The following PRORP variants were observed in gnomAD, a reference collection of about 807,000 sequenced individuals.
The protein encoded by PRORP is mitochondrial ribonuclease P catalytic subunit.
A neutral mutation model predicts 59.4 loss-of-function variants in PRORP; 51 were observed. The ratio of observed to expected loss-of-function variants is 0.86; its 90% confidence interval spans 0.69 to 1.08. The LOEUF (loss-of-function observed/expected upper bound fraction) is 1.08, where lower values mean the gene tolerates loss of function less well. PRORP is among the 50% of genes least tolerant of loss of function. The pLI is 0.00. For synonymous variants in PRORP, 231 were observed against 245.6 expected (o/e 0.94, Z 0.55); for missense variants, 646 against 690.3 (o/e 0.94, Z 0.72).
At chr14:35,238,733 G>A (rs4981278) in intron 5 of PRORP, among the ~76,000 whole-genome samples, 89,431 of 151,952 alleles carry the variant, frequency 0.59, 27,770 homozygotes, top group East Asian at 0.75. Flanking sequence ...AAGTTAACAC[G>A]TCTTTTTTTC....
intron 5 of PRORP, among the ~76,000 whole-genome samples, chr14:35,196,559 G>C (rs531202519): frequency 6.6e-6 from 1 of 152,258 alleles, no homozygotes; most frequent in Admixed American, 6.5e-5. Context: ...TTAGTTTTAA[G>C]GAGTTACTGC....
At chr14:35,234,014 G>A (rs967813268) in intron 5 of PRORP, among the ~76,000 whole-genome samples, 6 of 152,124 alleles carry the variant, frequency 3.9e-5, no homozygotes, top group Admixed American at 3.3e-4. Flanking sequence ...ATCAAAATAT[G>A]GATCTGAAAA....
chr14:35,233,745 A>G (rs2050139263), intron 5 of PRORP, among the ~76,000 whole-genome samples: 2 of 151,590 alleles, frequency 1.3e-5, no homozygotes, highest in Admixed American at 6.6e-5. Flanking sequence ...CTATGTTCAC[A>G]TTTCTTTTCC....
At chr14:35,255,914 TG>T (rs1216800596) in intron 5 of PRORP, among the ~76,000 whole-genome samples, 1 of 152,176 alleles carries the variant, frequency 6.6e-6, no homozygotes, top group African/African-American at 2.4e-5. Flanking sequence ...AAAAAACAAT[TG>T]TGACTCAGAA....
intron 4 of PRORP, among the ~76,000 whole-genome samples, chr14:35,167,582 C>T (rs2048215289): frequency 6.6e-6 from 1 of 152,160 alleles, no homozygotes; most frequent in Non-Finnish European, 1.5e-5. Flanking sequence ...GCTTCATTTT[C>T]CCCTAGCTAC....
rs1057380652 is a variant in PRORP, at chr14:35,128,431, G to C, written c.1167+820G>C. Among the ~76,000 whole-genome samples the C allele has an allele frequency of 1.2e-4, 18 of 152,090 alleles. 1 individual carries two copies. Among genetic ancestry groups the C allele is most frequent in the Middle Eastern group, 3.4e-3 (1 of 294 alleles). ...ATAGGATTGCTATTATTCTTTAAAT[G>C]TTTGGTAGAATTGAGCAGTGAAGCC... On this transcript the variant is annotated intron_variant, in intron 4 of 7. Transcript: ENST00000534898.
In PRORP at chr14:35,241,194, A is replaced by G. The variant is rs1416398035; in HGVS notation, c.1276-25533A>G. On this transcript the variant is annotated intron_variant, in intron 5 of 7. Coordinates refer to ENST00000534898, the MANE Select transcript of PRORP (RefSeq NM_014672.4). ...GGAGTTTGAGAGCAGCCTGGCCAAC[A>G]TGGTGAAACCCTGTCTCTACTAAAA... is the stretch of plus-strand genomic sequence containing the variant. 1.5e-4 allele frequency among the ~76,000 whole-genome samples: 23 copies of G among 152,160 alleles called. 1 individual carries two copies. The highest frequency in any genetic ancestry group is 1.4e-3 in the Admixed American group (22 of 15,278).
At chr14:35,249,524 G>A (rs1416828344) in intron 5 of PRORP, among the ~76,000 whole-genome samples, 2 of 152,144 alleles carry the variant, frequency 1.3e-5, no homozygotes, top group Non-Finnish European at 2.9e-5. Flanking sequence ...GGGAGAGTGA[G>A]ACCACAATGA....
chr14:35,180,553 T>TGTGTGTGTG (rs1555325955), intron 4 of PRORP, 117 bp from the exon 5 acceptor site: 64 of 624,112 alleles, frequency 1.0e-4, no homozygotes, highest in Admixed American at 6.2e-4. Context: ...TGTGTGTGTA[T>TGTGTGTGTG]TTTTAAGGGA....
Position 35,124,219 on chromosome 14 carries a change from C to T in PRORP, c.974C>T (p.Thr325Ile). The T allele has an allele frequency of 2.0e-6, 3 of 1,537,310 alleles. No individual in the cohort carries two copies. The highest frequency in any genetic ancestry group is 2.2e-5 in the Admixed American group (1 of 45,000). Residue 325 changes from threonine to isoleucine, a missense_variant, in exon 2 of 8, where the codon ACA becomes ATA. Thr to Ile is a moderately conservative substitution (Grantham distance 89, BLOSUM62 -1). Coordinates refer to ENST00000534898, the MANE Select transcript of PRORP (RefSeq NM_014672.4). Reference protein sequence around the residue: ...PGESFAHSIKTWFESVPGKQW... With the variant: ...PGESFAHSIKIWFESVPGKQW... ...GAGTCATTTGCACACAGTATAAAAA[C>T]ATGGTTTGAGAGGTAATTTTGGTTT...
intron 2 of PRORP, among the ~76,000 whole-genome samples, chr14:35,125,622 G>A (rs1461315660): frequency 6.6e-6 from 1 of 152,122 alleles, no homozygotes; most frequent in African/African-American, 2.4e-5. Flanking sequence ...CTTTGAAGCA[G>A]TAATTATGCT....
intron 1 of PRORP, 141 bp downstream of exon 1, chr14:35,122,776 C>T (rs1000952731): frequency 1.2e-5 from 2 of 171,854 alleles, no homozygotes; most frequent in East Asian, 3.1e-4. Flanking sequence ...GGGTGAGGGC[C>T]CCTAGACTTC....
chr14:35,171,102 G>A (rs1172495836), intron 4 of PRORP, among the ~76,000 whole-genome samples: 1 of 152,046 alleles, frequency 6.6e-6, no homozygotes, highest in Non-Finnish European at 1.5e-5. Flanking sequence ...ACCCACCTCG[G>A]CCTCCCAAAG....
chr14:35,213,902 G>C (rs1193495207), intron 5 of PRORP, among the ~76,000 whole-genome samples: 1 of 152,168 alleles, frequency 6.6e-6, no homozygotes, highest in Non-Finnish European at 1.5e-5. Flanking sequence ...AGTGCTGTTG[G>C]AAAAATGGTA....
At chr14:35,149,864 C>T (rs532412966) in intron 4 of PRORP, among the ~76,000 whole-genome samples, 53 of 152,030 alleles carry the variant, frequency 3.5e-4, no homozygotes, top group East Asian at 1.9e-3. Flanking sequence ...TTTTTTAAGG[C>T]GGGGAGACAG....
At chr14:35,213,428 T>TA (rs911450009) in intron 5 of PRORP, among the ~76,000 whole-genome samples, 2 of 151,710 alleles carry the variant, frequency 1.3e-5, no homozygotes, top group Admixed American at 6.6e-5. Context: ...CCTGTCTCCT[T>TA]AAAAAAAATA....
chr14:35,145,293 A>G (rs747922495), intron 4 of PRORP, among the ~76,000 whole-genome samples: 1 of 144,154 alleles, frequency 6.9e-6, no homozygotes, highest in Non-Finnish European at 1.5e-5. Context: ...TCTTATTGAG[A>G]CTTCTTAATC....
At chr14:35,189,924 G>A (rs1383787448) in intron 5 of PRORP, among the ~76,000 whole-genome samples, 1 of 149,594 alleles carries the variant, frequency 6.7e-6, no homozygotes, top group Non-Finnish European at 1.5e-5. Flanking sequence ...GCCTGGCCAA[G>A]ATGCTGAAAC....
chr14:35,256,568 G>A (rs1361915753), intron 5 of PRORP, among the ~76,000 whole-genome samples: 4 of 151,888 alleles, frequency 2.6e-5, no homozygotes, highest in Non-Finnish European at 5.9e-5. Flanking sequence ...CTGACCTCGT[G>A]ATCCGCCCAC....
Sources: gnomAD v4.1 joint callset for allele counts (sites outside exome capture counted in the v4.1 genomes callset) on GRCh38, gnomAD v4.1.1 for gene constraint, MANE v1.5 for transcripts, NCBI Gene and HGNC (gene_info 2026-07-23, HGNC 2026-07-21) for gene names.